The following STXBP5 variants were observed in gnomAD, a reference collection of about 807,000 sequenced individuals.
STXBP5 encodes syntaxin-binding protein 5.
STXBP5 carries 50 observed loss-of-function variants against 152.4 expected under a neutral mutation model. The ratio of observed to expected loss-of-function variants is 0.33; its 90% CI spans 0.26 to 0.42. The LOEUF is 0.42. Ranked by LOEUF, STXBP5 falls within the 10% of genes least tolerant of loss-of-function variation. The pLI is 1.00. For synonymous variants in STXBP5, 492 were observed against 494.7 expected (o/e 0.99, Z 0.07); for missense variants, 1,167 against 1,388.6 (o/e 0.84, Z 2.54).
In STXBP5 at chr6:147,211,182, C is replaced by T. The variant is rs184573540; in HGVS notation, c.248+5114C>T. ...AAAATTAGCCTGGCGTGGTGGTGCACGCCTGTAATCCCAGCTACTCAGAGG... is the reference window on the plus strand; with the variant it reads ...AAAATTAGCCTGGCGTGGTGGTGCATGCCTGTAATCCCAGCTACTCAGAGG... On this transcript the variant is annotated intron_variant, in intron 2 of 27. Coordinates refer to ENST00000321680, the MANE Select transcript of STXBP5 (RefSeq NM_001127715.4). Among the ~76,000 whole-genome samples the T allele has an allele frequency of 5.3e-5, 8 of 151,946 alleles. No individual in the cohort carries two copies. In the South Asian group the frequency reaches 8.3e-4, roughly 16 times the overall value.
At position 147,388,692 on chromosome 6, in the gene STXBP5, A is replaced by G. The variant is rs1413044665; in HGVS notation, c.*3937A>G. 6.6e-6 allele frequency: 1 copy of G among 151,284 alleles called. No homozygotes were observed. 9.4% of individuals were successfully genotyped at this position (151,284 alleles called of 1,614,324 possible). On this transcript the variant is annotated 3_prime_UTR_variant, in exon 28 of 28. Transcript: ENST00000321680. ...TGCTTTAAAAAACCCTCTATTGAGC[A>G]TTTTCAAATATTAATTTTATTTTGG...
At chr6:147,325,373 A>G (rs1783195473) in intron 17 of STXBP5, among the ~76,000 whole-genome samples, 1 of 152,208 alleles carries the variant, frequency 6.6e-6, no homozygotes, top group African/African-American at 2.4e-5. Flanking sequence ...ATATACTCCC[A>G]GAAATAATTT....
intron 23 of STXBP5, among the ~76,000 whole-genome samples, chr6:147,359,688 C>A (rs1315567133): frequency 6.8e-6 from 1 of 147,298 alleles, no homozygotes; most frequent in Non-Finnish European, 1.5e-5. Flanking sequence ...TCAGTTCCCA[C>A]CTATGAGTGA....
intron 11 of STXBP5, among the ~76,000 whole-genome samples, chr6:147,312,238 A>G (rs563447073): frequency 2.0e-5 from 3 of 152,262 alleles, no homozygotes; most frequent in South Asian, 2.1e-4. Context: ...CAGATGTATT[A>G]TATCTGATCT....
At chr6:147,363,944 T>C (rs550217663) in intron 24 of STXBP5, 57 bp from the exon 25 acceptor site, 2 of 1,539,162 alleles carry the variant, frequency 1.3e-6, no homozygotes, top group South Asian at 1.2e-5. Flanking sequence ...ACAATGATAG[T>C]GTGTTCAAGA....
chr6:147,303,713 G>A (rs199677452), intron 9 of STXBP5, among the ~76,000 whole-genome samples: 7 of 152,282 alleles, frequency 4.6e-5, no homozygotes, highest in Admixed American at 6.5e-5. Flanking sequence ...GGAAAGTTTC[G>A]AACTTCCTAG....
chr6:147,233,468 GATA>G (rs1778106958), intron 2 of STXBP5, among the ~76,000 whole-genome samples: 1 of 151,600 alleles, frequency 6.6e-6, no homozygotes, highest in Non-Finnish European at 1.5e-5. Context: ...TATGTTTTGT[GATA>G]ATATTACAGT....
rs1786157276 is a variant in STXBP5 at position 147,382,849 on chromosome 6, G to A, written c.3265G>A (p.Gly1089Ser). Residue 1089 changes from glycine (G) to serine (S), a missense_variant, in exon 27 of 28, where the codon GGC (glycine) becomes AGC (serine). Gly to Ser is a moderately conservative substitution (Grantham distance 56). Coordinates refer to ENST00000321680, the MANE Select transcript of STXBP5 (RefSeq NM_001127715.4). Reference protein sequence around the residue: ...QHIPGPGGIEGVKGAASGVVG... With the variant: ...QHIPGPGGIESVKGAASGVVG... ...TATTCCTGGCCCTGGTGGCATTGAA[G>A]GCGTAAAAGGGGCAGCATCTGGAGT... 2 of 1,613,450 alleles carry A rather than the reference G, an allele frequency of 1.2e-6. No homozygotes were observed. Among genetic ancestry groups the A allele is most frequent in the Admixed American group, 1.7e-5 (1 of 59,914 alleles).
chr6:147,225,849 A>G (rs1480764810), intron 2 of STXBP5, among the ~76,000 whole-genome samples: 1 of 152,226 alleles, frequency 6.6e-6, no homozygotes, highest in South Asian at 2.1e-4. Context: ...TACAAAAGTC[A>G]TTGAAGATAA....
chr6:147,328,088 A>G (rs1010862122), intron 18 of STXBP5, among the ~76,000 whole-genome samples: 1 of 152,176 alleles, frequency 6.6e-6, no homozygotes, highest in African/African-American at 2.4e-5. Flanking sequence ...TTGCTAGGTA[A>G]TTAGTCTTAA....
intron 16 of STXBP5, among the ~76,000 whole-genome samples, chr6:147,323,986 C>T (rs867247669): frequency 5.3e-5 from 8 of 152,264 alleles, no homozygotes; most frequent in Middle Eastern, 3.4e-3. Context: ...ACCACTGTGG[C>T]CACACTTAAC....
At chr6:147,283,759 T>C (rs906049273) in intron 8 of STXBP5, among the ~76,000 whole-genome samples, 2 of 152,088 alleles carry the variant, frequency 1.3e-5, no homozygotes, top group African/African-American at 4.8e-5. Flanking sequence ...ACATCATAAA[T>C]CCCACTGTCC....
chr6:147,286,153 C>T (rs1780950355), intron 8 of STXBP5, among the ~76,000 whole-genome samples: 1 of 152,102 alleles, frequency 6.6e-6, no homozygotes. Context: ...CTTTTATTTT[C>T]CTTGCAATTC....
intron 16 of STXBP5, among the ~76,000 whole-genome samples, chr6:147,324,559 T>C (rs890445795): frequency 2.0e-5 from 3 of 152,074 alleles, no homozygotes; most frequent in South Asian, 4.1e-4. Context: ...CGTGAGCCAC[T>C]GCACCCAGCC....
At position 147,372,406 on chromosome 6, in the gene STXBP5, CCTTTTTTTTTTTT is replaced by C. The variant is rs1785590030; in HGVS notation, c.3082-1324_3082-1312del. Among the ~76,000 whole-genome samples the C allele has an allele frequency of 3.3e-4, 13 of 39,108 alleles. 2 individuals carry two copies. Among genetic ancestry groups the C allele is most frequent in the East Asian group, 1.1e-3 (1 of 918 alleles). 25.7% of individuals were successfully genotyped at this position (39,108 alleles called of 152,430 possible). A position where few individuals can be genotyped will look rare whatever the true frequency, so the allele number is the denominator to read the frequency against. Reference sequence around the variant, plus strand: ...ATATAAATGTTACTACCGTCCTTTTCCTTTTTTTTTTTTTTTTTTTTTTTTTTTTTTTTTTTTT... The same window carrying C: ...ATATAAATGTTACTACCGTCCTTTTCTTTTTTTTTTTTTTTTTTTTTTTTT... On this transcript the variant is annotated intron_variant, in intron 25 of 27. Transcript: ENST00000321680.
rs186628139 is a variant in STXBP5, at chr6:147,353,685, C to G, written c.2305+312C>G. Among the ~76,000 whole-genome samples the G allele has an allele frequency of 3.2e-4, 49 of 152,178 alleles. 1 individual carries two copies. The highest frequency in any genetic ancestry group is 1.1e-3 in the African/African-American group (47 of 41,550). On this transcript the variant is annotated intron_variant, in intron 22 of 27. Transcript: ENST00000321680. Reference sequence around the variant, plus strand: ...TAATTTTTATTAAAAGTGGTTGTATCCCATTTAACCATGTGAAAACCTATT... The same window carrying G: ...TAATTTTTATTAAAAGTGGTTGTATGCCATTTAACCATGTGAAAACCTATT...
At chr6:147,345,957 G>C (rs543132386) in intron 21 of STXBP5, among the ~76,000 whole-genome samples, 2 of 152,262 alleles carry the variant, frequency 1.3e-5, no homozygotes, top group South Asian at 2.1e-4. Context: ...TATAAGAAGA[G>C]AGCAATGACC....
At chr6:147,364,198 C>G (rs1201409129) in intron 25 of STXBP5, 32 bp downstream of exon 25, 22 of 1,590,692 alleles carry the variant, frequency 1.4e-5, no homozygotes, top group Non-Finnish European at 1.9e-5. Flanking sequence ...GTAATTTCTT[C>G]AGAGGTAAAG....
chr6:147,378,290 A>G (rs571328527), intron 26 of STXBP5, among the ~76,000 whole-genome samples: 8 of 152,144 alleles, frequency 5.3e-5, no homozygotes, highest in South Asian at 2.1e-4. Flanking sequence ...ATCAAGACAA[A>G]TATCATTTAT....
Sources: allele counts gnomAD v4.1 joint callset (sites outside exome capture counted in the v4.1 genomes callset), GRCh38; gene constraint gnomAD v4.1.1; transcripts MANE v1.5; gene names NCBI Gene and HGNC (gene_info 2026-07-23, HGNC 2026-07-21).